Variants in DMRTA1 observed in about 807,000 individuals in gnomAD.
DMRTA1 encodes DMRT like family A1.
Under a neutral mutation model 35.2 loss-of-function variants are expected in DMRTA1, and 34 were observed. The observed-to-expected ratio is 0.97, with a 90% confidence interval of 0.74 to 1.29. The LOEUF is 1.29. Ranked by LOEUF, DMRTA1 falls within the 50% of genes most tolerant of loss-of-function variation. The pLI is 0.00. For missense variants in DMRTA1, 824 were observed against 644.6 expected (o/e 1.28, Z -3.01); for synonymous variants, 344 against 276.6 (o/e 1.24, Z -2.42).
rs1252946598 is a variant in DMRTA1 at position 22,451,325 on chromosome 9, A to G, written c.929A>G (p.Lys310Arg). 1.2e-6 allele frequency: 2 copies of G among 1,614,008 alleles called. No homozygotes were observed. Among genetic ancestry groups the G allele is most frequent in the Non-Finnish European group, 8.5e-7 (1 of 1,179,984 alleles). Residue 310 changes from lysine to arginine, a missense_variant, in exon 2 of 2, where the codon AAA (lysine) becomes AGA (arginine). By Grantham distance (26) the Lys-to-Arg change is conservative. Coordinates refer to ENST00000325870, the MANE Select transcript of DMRTA1 (RefSeq NM_022160.3). ...TCAGGAAATGAAAGTGAATGGGTCAAAGACTTGACTGCGACCAAGGCAAGC... is the reference window on the plus strand; with the variant it reads ...TCAGGAAATGAAAGTGAATGGGTCAGAGACTTGACTGCGACCAAGGCAAGC... ...LESGNESEWVKDLTATKASLP... is the reference protein window; with the variant it reads ...LESGNESEWVRDLTATKASLP...
intron 1 of DMRTA1, among the ~76,000 whole-genome samples, chr9:22,449,746 TG>T (rs1215787232): frequency 6.6e-6 from 1 of 152,132 alleles, no homozygotes; most frequent in African/African-American, 2.4e-5. Flanking sequence ...CATATGCTTA[TG>T]GGAACAGCAT....
At chr9:22,448,337 G>A (rs1487331180) in intron 1 of DMRTA1, among the ~76,000 whole-genome samples, 1 of 152,214 alleles carries the variant, frequency 6.6e-6, no homozygotes, top group Non-Finnish European at 1.5e-5. Flanking sequence ...CAAGCTTGAT[G>A]TGGGGAAGAG....
At position 22,452,447 on chromosome 9, in the gene DMRTA1, TAATA is replaced by T. The variant is rs1818945700; in HGVS notation, c.*543_*546del. Reference sequence around the variant, plus strand: ...ATTTGATTTGCAGATGGGTGATTCGTAATAAATAAAACATTTGAGCATTTTGAAT... The same window carrying T: ...ATTTGATTTGCAGATGGGTGATTCGTAATAAAACATTTGAGCATTTTGAAT... On this transcript the variant is annotated 3_prime_UTR_variant, in exon 2 of 2. Coordinates refer to ENST00000325870, the MANE Select transcript of DMRTA1 (RefSeq NM_022160.3). The T allele has an allele frequency of 6.6e-6, 1 of 152,278 alleles. No individual in the cohort carries two copies. Among genetic ancestry groups the T allele is most frequent in the Non-Finnish European group, 1.5e-5 (1 of 68,084 alleles). 9.4% of individuals were successfully genotyped at this position (152,278 alleles called of 1,614,324 possible). A position where few individuals can be genotyped will look rare whatever the true frequency, so the allele number is the denominator to read the frequency against.
At chr9:22,447,973 G>A (rs1022191787) in intron 1 of DMRTA1, among the ~76,000 whole-genome samples, 1 of 152,152 alleles carries the variant, frequency 6.6e-6, no homozygotes, top group Admixed American at 6.5e-5. Context: ...AAAAAATGAA[G>A]CATGGGTGGT....
rs1037059968 is a variant in DMRTA1, at chr9:22,447,454, C to T, written c.389C>T (p.Ala130Val). 4.5e-6 allele frequency: 7 copies of T among 1,553,396 alleles called. No individual in the cohort carries two copies. The highest frequency in any genetic ancestry group is 6.1e-6 in the Non-Finnish European group (7 of 1,150,404). The change falls in exon 1 of 2, where the codon GCC becomes GTC. Residue 130 changes from alanine to valine, a missense_variant. By Grantham distance (64) the Ala-to-Val change is moderately conservative. Coordinates refer to ENST00000325870, the MANE Select transcript of DMRTA1 (RefSeq NM_022160.3). ...DCACAKCTLI[A>V]ERQRVMAAQV... ...GCGTGTGCCAAGTGCACCCTGATCG[C>T]CGAGCGCCAGCGCGTCATGGCCGCC...
In DMRTA1 at chr9:22,447,263, C is replaced by A. The variant is rs770857162; in HGVS notation, c.198C>A (p.Ala66=). The A allele has an allele frequency of 2.8e-4, 415 of 1,504,904 alleles. No homozygotes were observed. Among genetic ancestry groups the A allele is most frequent in the Non-Finnish European group, 3.4e-4 (389 of 1,133,702 alleles). 93.2% of individuals were successfully genotyped at this position (1,504,904 alleles called of 1,614,324 possible). The change falls in exon 1 of 2, where the codon GCC becomes GCA. Residue 66 remains alanine, a synonymous_variant. Coordinates refer to ENST00000325870, the MANE Select transcript of DMRTA1 (RefSeq NM_022160.3). The part of the protein sequence containing the change: ...RAAAAAAAAA[A]ATSGSGGCPP... ...CGGCCGCGGCCGCCGCCGCCGCTGC[C>A]GCCACCTCGGGAAGCGGAGGCTGCC...
Position 22,447,530 on chromosome 9 carries a change from G to T in DMRTA1, c.465G>T (p.Gly155=), listed in dbSNP as rs779087748. ...CGCAGGAGGAGAGCGAAGCCCGGGG[G>T]CTACAGAGGCTCCTGTGCTCGGGGC... ...QQAQEESEAR[G]LQRLLCSGLS... is the part of the protein sequence containing the mutation. The change falls in exon 1 of 2, where the codon GGG becomes GGT. Residue 155 remains glycine (G), a synonymous_variant. Coordinates refer to ENST00000325870, the MANE Select transcript of DMRTA1 (RefSeq NM_022160.3). 5.7e-6 allele frequency: 9 copies of T among 1,580,374 alleles called. No individual in the cohort carries two copies. Among genetic ancestry groups the T allele is most frequent in the Non-Finnish European group, 7.7e-6 (9 of 1,164,096 alleles).
Position 22,451,195 on chromosome 9 carries a change from A to T in DMRTA1, c.799A>T (p.Ile267Phe). The change falls in exon 2 of 2, where the codon ATT (isoleucine) becomes TTT (phenylalanine). Residue 267 changes from isoleucine to phenylalanine, a missense_variant. Physicochemically the swap from Ile to Phe is conservative, Grantham distance 21. Transcript: ENST00000325870. The part of the protein sequence containing the change: ...VIGKQSIGSS[I>F]SEYSNKPDSI... ...TGGGAAACAAAGTATCGGGTCATCTATTTCAGAATACTCCAACAAGCCTGA... is the reference window on the plus strand; with the variant it reads ...TGGGAAACAAAGTATCGGGTCATCTTTTTCAGAATACTCCAACAAGCCTGA... 6.2e-7 allele frequency: 1 copy of T among 1,614,126 alleles called. No homozygotes were observed.
chr9:22,447,456 G>A lies in DMRTA1; in HGVS notation c.391G>A (p.Glu131Lys), dbSNP rs1198757488. 1.9e-6 allele frequency: 3 copies of A among 1,553,400 alleles called. No individual in the cohort carries two copies. The East Asian group carries it at 7.3e-5, about 38-fold the overall frequency. Residue 131 changes from glutamate to lysine, a missense_variant, in exon 1 of 2, where the codon GAG becomes AAG. Physicochemically the swap from Glu to Lys is moderately conservative, Grantham distance 56. Coordinates refer to ENST00000325870, the MANE Select transcript of DMRTA1 (RefSeq NM_022160.3). Reference protein sequence around the residue: ...CACAKCTLIAERQRVMAAQVA... With the variant: ...CACAKCTLIAKRQRVMAAQVA... Reference sequence around the variant, plus strand: ...GTGTGCCAAGTGCACCCTGATCGCCGAGCGCCAGCGCGTCATGGCCGCCCA... The same window carrying A: ...GTGTGCCAAGTGCACCCTGATCGCCAAGCGCCAGCGCGTCATGGCCGCCCA...
In DMRTA1 at chr9:22,447,037, T is replaced by G. The variant is rs1382002434; in HGVS notation, c.-29T>G. ...AGCTGCGGTCAGCGCACTTTCCACTTGGGACTCCCGGCCAGAAATTTCTCG... is the reference window on the plus strand; with the variant it reads ...AGCTGCGGTCAGCGCACTTTCCACTGGGGACTCCCGGCCAGAAATTTCTCG... On this transcript the variant is annotated 5_prime_UTR_variant, in exon 1 of 2. Coordinates refer to ENST00000325870, the MANE Select transcript of DMRTA1 (RefSeq NM_022160.3). The G allele has an allele frequency of 6.9e-6, 11 of 1,596,924 alleles. No homozygotes were observed. The highest frequency in any genetic ancestry group is 1.7e-4 in the Middle Eastern group (1 of 6,052).
chr9:22,449,804 T>G (rs1018517814), intron 1 of DMRTA1, among the ~76,000 whole-genome samples: 25 of 152,138 alleles, frequency 1.6e-4, no homozygotes, highest in Admixed American at 1.2e-3. Context: ...GTATACACTT[T>G]AATTTTAAAA....
Position 22,451,948 on chromosome 9 carries a change from G to A in DMRTA1, c.*37G>A, listed in dbSNP as rs746378786. ...ATTCTCTCTTTCTGGAGTTTTTCCAGCATACAATACATGCACGTGCACACA... is the reference window on the plus strand; with the variant it reads ...ATTCTCTCTTTCTGGAGTTTTTCCAACATACAATACATGCACGTGCACACA... On this transcript the variant is annotated 3_prime_UTR_variant, in exon 2 of 2. Coordinates refer to ENST00000325870, the MANE Select transcript of DMRTA1 (RefSeq NM_022160.3). The A allele has an allele frequency of 1.2e-6, 2 of 1,604,926 alleles. No homozygotes were observed. Among genetic ancestry groups the A allele is most frequent in the Non-Finnish European group, 8.5e-7 (1 of 1,175,248 alleles).
chr9:22,449,271 T>A (rs1359274494), intron 1 of DMRTA1, among the ~76,000 whole-genome samples: 1 of 152,118 alleles, frequency 6.6e-6, no homozygotes, highest in African/African-American at 2.4e-5. Context: ...AGTGAACAAG[T>A]TTTTCCTACA....
At position 22,453,181 on chromosome 9, in the gene DMRTA1, C is replaced by T. The variant is rs1040751836; in HGVS notation, c.*1270C>T. 5.3e-5 allele frequency: 8 copies of T among 151,858 alleles called. No individual in the cohort carries two copies. Among genetic ancestry groups the T allele is most frequent in the Non-Finnish European group, 1.0e-4 (7 of 67,888 alleles). The allele number at this position is 151,858 out of a possible 1,614,324, so 9.4% of individuals were successfully genotyped here. On this transcript the variant is annotated 3_prime_UTR_variant, in exon 2 of 2. Transcript: ENST00000325870. ...TTATTATTAGGAATAAATGGAAGCC[C>T]ACTGGTGGTAAAAGATAGTTGATGA...
chr9:22,453,332 C>A lies in DMRTA1; in HGVS notation c.*1421C>A, dbSNP rs1035700683. ...AAGTCTATGTAGACATACATTAAAC[C>A]CCTATAGGTTATATTATCATGGAGG... On this transcript the variant is annotated 3_prime_UTR_variant, in exon 2 of 2. Transcript: ENST00000325870. 6.6e-5 allele frequency: 10 copies of A among 151,886 alleles called. No individual in the cohort carries two copies. The highest frequency in any genetic ancestry group is 1.5e-4 in the Non-Finnish European group (10 of 67,912). 9.4% of individuals were successfully genotyped at this position (151,886 alleles called of 1,614,324 possible). A position where few individuals can be genotyped will look rare whatever the true frequency, so the allele number is the denominator to read the frequency against.
At position 22,447,657 on chromosome 9, in the gene DMRTA1, G is replaced by A; in HGVS notation, c.592G>A (p.Ala198Thr). The A allele has an allele frequency of 6.2e-7, 1 of 1,612,004 alleles. No individual in the cohort carries two copies. The highest frequency in any genetic ancestry group is 1.1e-5 in the South Asian group (1 of 91,026). Residue 198 changes from alanine to threonine, a missense_variant, in exon 1 of 2, where the codon GCC (alanine) becomes ACC (threonine). Transcript: ENST00000325870. ...PAAGAALGLG[A>T]LRQASGSATP... The stretch of plus-strand genomic sequence containing the variant: ...GGCGGGGGCTGCGCTGGGACTGGGT[G>A]CCTTGAGACAGGCCAGTGGTTCCGC...
intron 1 of DMRTA1, 100 bp downstream of exon 1, chr9:22,447,832 T>A: frequency 7.0e-7 from 1 of 1,422,128 alleles, no homozygotes; most frequent in Non-Finnish European, 9.7e-7. Flanking sequence ...GGAATAGTTG[T>A]TTAAAAGAAA....
In DMRTA1 at chr9:22,447,276, A is replaced by G. The variant is rs961025232; in HGVS notation, c.211A>G (p.Ser71Gly). 1.3e-6 allele frequency: 2 copies of G among 1,505,724 alleles called. No homozygotes were observed. The highest frequency in any genetic ancestry group is 1.5e-5 in the African/African-American group (1 of 68,590). 93.3% of individuals were successfully genotyped at this position (1,505,724 alleles called of 1,614,324 possible). ...CGCCGCCGCTGCCGCCACCTCGGGA[A>G]GCGGAGGCTGCCCGCCGGCTCCCGG... ...AAAAAAATSG[S>G]GGCPPAPGLE... The change falls in exon 1 of 2, where the codon AGC (serine) becomes GGC (glycine). Residue 71 changes from serine to glycine, a missense_variant. Coordinates refer to ENST00000325870, the MANE Select transcript of DMRTA1 (RefSeq NM_022160.3).
At position 22,451,639 on chromosome 9, in the gene DMRTA1, A is replaced by C; in HGVS notation, c.1243A>C (p.Thr415Pro). ...NKSAFSPLQT[T>P]SASYGGDSSL... is the part of the protein sequence containing the mutation. ...ATCAGCTTTCTCTCCTCTTCAAACTACTTCTGCTTCTTATGGAGGTGATTC... is the reference window on the plus strand; with the variant it reads ...ATCAGCTTTCTCTCCTCTTCAAACTCCTTCTGCTTCTTATGGAGGTGATTC... Residue 415 changes from threonine to proline, a missense_variant, in exon 2 of 2, where the codon ACT becomes CCT. Transcript: ENST00000325870. 1 of 1,614,056 alleles carries C rather than the reference A, an allele frequency of 6.2e-7. No homozygotes were observed. Among genetic ancestry groups the C allele is most frequent in the Non-Finnish European group, 8.5e-7 (1 of 1,179,956 alleles).
Sources: allele counts gnomAD v4.1 joint callset (sites outside exome capture counted in the v4.1 genomes callset), GRCh38; gene constraint gnomAD v4.1.1; transcripts MANE v1.5; gene names NCBI Gene and HGNC (gene_info 2026-07-23, HGNC 2026-07-21).